The following DOCK8 variants were observed in gnomAD, a reference collection of about 807,000 sequenced individuals.
DOCK8 encodes the protein dedicator of cytokinesis protein 8.
A neutral mutation model predicts 245.6 loss-of-function variants in DOCK8; 141 were observed. That is an observed-to-expected ratio of 0.57 (90% CI 0.50 to 0.66). The LOEUF is 0.66. Ranked by LOEUF, DOCK8 falls within the 30% of genes least tolerant of loss-of-function variation. The pLI is 0.00. For missense variants in DOCK8, 2,965 were observed against 2,603.4 expected, an observed-to-expected ratio of 1.14 and a Z score of -3.02; for synonymous variants, 1,168 against 970.2, an observed-to-expected ratio of 1.20 and a Z score of -3.79.
At chr9:222,810 T>A (rs1192225142) in intron 1 of DOCK8, among the ~76,000 whole-genome samples, 2 of 152,252 alleles carry the variant, frequency 1.3e-5, no homozygotes, top group East Asian at 3.8e-4. Flanking sequence ...CTTAATTTTG[T>A]TGTAAGCTCT....
chr9:312,087 A>G lies in DOCK8; in HGVS notation c.662A>G (p.Asp221Gly), dbSNP rs1383779464. 2 of 1,614,110 alleles carry G rather than the reference A, an allele frequency of 1.2e-6. No individual in the cohort carries two copies. Among genetic ancestry groups the G allele is most frequent in the East Asian group, 2.2e-5 (1 of 44,898 alleles). The change falls in exon 6 of 48, where the codon GAC becomes GGC. Residue 221 changes from aspartate to glycine, a missense_variant. Asp to Gly is a moderately conservative substitution (Grantham distance 94, BLOSUM62 -1). This residue lies in a region of DOCK8 where 2,825 missense variants were observed against 2,453.5 expected (regional missense o/e 1.15). Coordinates refer to ENST00000432829, the MANE Select transcript of DOCK8 (RefSeq NM_203447.4). ...CTCCTGCAGCAAGTGAGTGCCGAGG[A>G]CTTTGAGAAGCAGAACGAGGAGGCC... The part of the protein sequence containing the change: ...ENLLQQVSAE[D>G]FEKQNEEARR...
At chr9:395,836 C>T (rs1400073643) in intron 24 of DOCK8, among the ~76,000 whole-genome samples, 1 of 152,072 alleles carries the variant, frequency 6.6e-6, no homozygotes, top group Non-Finnish European at 1.5e-5. Flanking sequence ...ATAATGCAGA[C>T]AGTCACCAAT....
Position 382,712 on chromosome 9 carries a change from G to C in DOCK8, c.2778+27G>C, listed in dbSNP as rs774906848. 1.9e-6 allele frequency: 3 copies of C among 1,613,338 alleles called. No homozygotes were observed. In the South Asian group the frequency reaches 3.3e-5, roughly 18 times the overall value. On this transcript the variant is annotated intron_variant, in intron 22 of 47. Coordinates refer to ENST00000432829, the MANE Select transcript of DOCK8 (RefSeq NM_203447.4). ...TAGGAAAGATGTCAAACCGTGGAAGGGGACACAGGCTTTTTTATTTTTTAA... is the reference window on the plus strand; with the variant it reads ...TAGGAAAGATGTCAAACCGTGGAAGCGGACACAGGCTTTTTTATTTTTTAA...
chr9:215,045 C>A lies in DOCK8; in HGVS notation c.53+16C>A. 6.4e-7 allele frequency: 1 copy of A among 1,569,672 alleles called. No homozygotes were observed. The highest frequency in any genetic ancestry group is 1.1e-5 in the South Asian group (1 of 87,124). ...AGATCAACAGGTAAGACGCCCCCCGCGGCGCGCAGGTTGCGGCCGGACAGC... is the reference window on the plus strand; with the variant it reads ...AGATCAACAGGTAAGACGCCCCCCGAGGCGCGCAGGTTGCGGCCGGACAGC... On this transcript the variant is annotated intron_variant, in intron 1 of 47. Coordinates refer to ENST00000432829, the MANE Select transcript of DOCK8 (RefSeq NM_203447.4).
intron 46 of DOCK8, chr9:460,393 A>C (rs1587133679): frequency 1.3e-5 from 2 of 152,070 alleles, no homozygotes; most frequent in African/African-American, 4.8e-5. Flanking sequence ...GACTCATCCC[A>C]CCTCCTGTAG....
At chr9:239,278 C>G (rs1479113928) in intron 1 of DOCK8, among the ~76,000 whole-genome samples, 1 of 152,114 alleles carries the variant, frequency 6.6e-6, no homozygotes, top group Non-Finnish European at 1.5e-5. Flanking sequence ...GATTTAAAGG[C>G]TAAAAGGAAA....
chr9:235,810 C>T (rs1281564430), intron 1 of DOCK8, among the ~76,000 whole-genome samples: 1 of 152,176 alleles, frequency 6.6e-6, no homozygotes, highest in Non-Finnish European at 1.5e-5. Context: ...GTCACCCTTT[C>T]TTTGACTAGG....
chr9:365,759 A>C, intron 14 of DOCK8: 1 of 418,690 alleles, frequency 2.4e-6, no homozygotes, highest in South Asian at 1.7e-5. Flanking sequence ...GAACACCCTC[A>C]ATCCCGCTTA....
intron 4 of DOCK8, among the ~76,000 whole-genome samples, chr9:290,282 C>T (rs866492206): frequency 6.7e-6 from 1 of 150,078 alleles, no homozygotes; most frequent in African/African-American, 2.5e-5. Flanking sequence ...TTTTTTTTTG[C>T]GATTTTTTTA....
At chr9:260,011 G>C (rs148930727) in intron 1 of DOCK8, among the ~76,000 whole-genome samples, 158 of 152,288 alleles carry the variant, frequency 1.0e-3, no homozygotes, top group Non-Finnish European at 1.2e-3. Context: ...CACCATTGTG[G>C]GCACCACATA....
chr9:400,094 TCACCACCACCACCTCCACCAC>T (rs1375691459), intron 26 of DOCK8, among the ~76,000 whole-genome samples: 5 of 20,964 alleles, frequency 2.4e-4, no homozygotes, highest in Admixed American at 1.1e-3. Flanking sequence ...ACCTCCACCA[TCACCACCACCACCTCCACCAC>T]CACCAGCATC....
intron 4 of DOCK8, among the ~76,000 whole-genome samples, chr9:290,969 GA>G (rs1356028482): frequency 6.6e-6 from 1 of 152,154 alleles, no homozygotes; most frequent in Non-Finnish European, 1.5e-5. Flanking sequence ...GTTATTAAGA[GA>G]AAGTTAGATG....
chr9:372,521 A>G (rs1181390836), intron 18 of DOCK8, among the ~76,000 whole-genome samples: 1 of 152,234 alleles, frequency 6.6e-6, no homozygotes, highest in East Asian at 1.9e-4. Flanking sequence ...ACCTTGCATT[A>G]TCTACCACAG....
intron 2 of DOCK8, among the ~76,000 whole-genome samples, chr9:273,328 C>G (rs1284174687): frequency 6.6e-6 from 1 of 151,960 alleles, no homozygotes; most frequent in African/African-American, 2.4e-5. Context: ...AAAGGCATGT[C>G]AAGTGCATAT....
chr9:446,441 T>C lies in DOCK8; in HGVS notation c.5652T>C (p.Phe1884=). Residue 1884 remains phenylalanine, a synonymous_variant, in exon 44 of 48, where the codon TTT becomes TTC. Coordinates refer to ENST00000432829, the MANE Select transcript of DOCK8 (RefSeq NM_203447.4). The stretch of plus-strand genomic sequence containing the variant: ...AGATGAAAGACAGGGTCACATACTT[T>C]GAGAAGAATTTCAACCTCCGGAGGT... The part of the protein sequence containing the change: ...EYEMKDRVTY[F]EKNFNLRRFM... 1 of 1,614,180 alleles carries C rather than the reference T, an allele frequency of 6.2e-7. No individual in the cohort carries two copies. The highest frequency in any genetic ancestry group is 1.1e-5 in the South Asian group (1 of 91,076).
intron 1 of DOCK8, among the ~76,000 whole-genome samples, chr9:226,299 C>T (rs2131356329): frequency 6.6e-6 from 1 of 152,196 alleles, no homozygotes; most frequent in South Asian, 2.1e-4. Flanking sequence ...TGAGGAAAAA[C>T]CTGCCTCCAT....
At chr9:431,957 G>A (rs755631957) in intron 36 of DOCK8, among the ~76,000 whole-genome samples, 4 of 152,202 alleles carry the variant, frequency 2.6e-5, no homozygotes, top group Non-Finnish European at 5.9e-5. Flanking sequence ...ACAGATTTAT[G>A]TGAGAGCAAT....
At chr9:365,590 G>A (rs1586810354) in intron 14 of DOCK8, 2 of 441,142 alleles carry the variant, frequency 4.5e-6, no homozygotes, top group Non-Finnish European at 4.5e-6. Flanking sequence ...TTTTTTTTCA[G>A]AGAAGTCTTC....
intron 1 of DOCK8, among the ~76,000 whole-genome samples, chr9:262,931 G>A (rs536932691): frequency 6.6e-6 from 1 of 152,194 alleles, no homozygotes; most frequent in Non-Finnish European, 1.5e-5. Flanking sequence ...TATAGGCAGG[G>A]CACGGTGGCT....
Sources: allele counts gnomAD v4.1 joint callset (sites outside exome capture counted in the v4.1 genomes callset), GRCh38; gene constraint gnomAD v4.1.1; regional missense constraint gnomAD v4.1.1; transcripts MANE v1.5; gene names NCBI Gene and HGNC (gene_info 2026-07-23, HGNC 2026-07-21).